Variants in FAM117B observed in about 807,000 individuals in gnomAD.
FAM117B encodes the protein protein FAM117B.
FAM117B carries 22 observed loss-of-function variants against 52.8 expected under a neutral mutation model. The ratio of observed to expected loss-of-function variants is 0.42; its 90% confidence interval spans 0.30 to 0.59. The LOEUF is 0.59. FAM117B is among the 20% of genes least tolerant of loss of function. The probability of loss-of-function intolerance (pLI) is 0.22; values close to 1 mark genes in which losing one functional copy is unlikely to be tolerated. For synonymous variants in FAM117B, 309 were observed against 324.1 expected (o/e 0.95, Z 0.50); for missense variants, 678 against 802.6 (o/e 0.84, Z 1.88).
At chr2:202,691,705 G>GCA (rs1559103324) in intron 1 of FAM117B, among the ~76,000 whole-genome samples, 3 of 150,412 alleles carry the variant, frequency 2.0e-5, no homozygotes, top group African/African-American at 4.9e-5. Context: ...GTGTGCGCGC[G>GCA]CGCCTCCCCA....
At chr2:202,682,581 T>C (rs1008347550) in intron 1 of FAM117B, among the ~76,000 whole-genome samples, 2 of 152,154 alleles carry the variant, frequency 1.3e-5, no homozygotes, top group African/African-American at 4.8e-5. Context: ...CAGGGAAATA[T>C]CCCGCTTCAA....
chr2:202,683,929 C>T lies in FAM117B; in HGVS notation c.602-11952C>T, dbSNP rs368857419. ...TCACCCAGGCTGGAGTGCAGTGGCG[C>T]GATCATGGCTCACTGCATCCTTGAC... On this transcript the variant is annotated intron_variant, in intron 1 of 7. Coordinates refer to ENST00000392238, the MANE Select transcript of FAM117B (RefSeq NM_173511.4). 3.4e-4 allele frequency among the ~76,000 whole-genome samples: 51 copies of T among 151,868 alleles called. No individual in the cohort carries two copies. The East Asian group carries it at 3.7e-3, about 11-fold the overall frequency.
intron 4 of FAM117B, among the ~76,000 whole-genome samples, chr2:202,728,435 A>G (rs1282900319): frequency 6.6e-6 from 1 of 152,234 alleles, no homozygotes; most frequent in East Asian, 1.9e-4. Context: ...TTGACAAAAT[A>G]AGAAATGAAA....
chr2:202,738,860 T>C (rs1691480666), intron 4 of FAM117B, among the ~76,000 whole-genome samples: 1 of 152,160 alleles, frequency 6.6e-6, no homozygotes, highest in Non-Finnish European at 1.5e-5. Flanking sequence ...TGCTACTTAC[T>C]CTATAAAACA....
intron 2 of FAM117B, among the ~76,000 whole-genome samples, chr2:202,722,737 T>C (rs1301889848): frequency 6.6e-6 from 1 of 152,086 alleles, no homozygotes; most frequent in Non-Finnish European, 1.5e-5. Flanking sequence ...GCTTAGTACC[T>C]GGGTGACGAA....
intron 1 of FAM117B, among the ~76,000 whole-genome samples, chr2:202,681,754 A>G (rs1364994756): frequency 6.6e-6 from 1 of 152,258 alleles, no homozygotes; most frequent in African/African-American, 2.4e-5. Context: ...ACTCAGCGAC[A>G]GTGATAGGGA....
At chr2:202,738,464 A>C (rs1261682681) in intron 4 of FAM117B, among the ~76,000 whole-genome samples, 1 of 152,216 alleles carries the variant, frequency 6.6e-6, no homozygotes, top group Non-Finnish European at 1.5e-5. Flanking sequence ...AAAAGAAGAC[A>C]TCAGTTCAGA....
At chr2:202,677,142 A>G (rs557894816) in intron 1 of FAM117B, among the ~76,000 whole-genome samples, 46 of 149,852 alleles carry the variant, frequency 3.1e-4, no homozygotes, top group Middle Eastern at 3.4e-3. Flanking sequence ...ATCTCGGCTC[A>G]CTACAACCTC....
At chr2:202,688,586 G>A (rs989164113) in intron 1 of FAM117B, among the ~76,000 whole-genome samples, 2 of 151,860 alleles carry the variant, frequency 1.3e-5, no homozygotes, top group Non-Finnish European at 2.9e-5. Context: ...AGAAAAGAAA[G>A]GTTTGGAGTA....
intron 7 of FAM117B, among the ~76,000 whole-genome samples, chr2:202,764,405 C>T (rs1691944354): frequency 6.6e-6 from 1 of 152,004 alleles, no homozygotes; most frequent in African/African-American, 2.4e-5. Flanking sequence ...GCAGGGACTA[C>T]AGGTGCATGC....
chr2:202,668,640 AAAT>A (rs1690247537), intron 1 of FAM117B, among the ~76,000 whole-genome samples: 1 of 151,098 alleles, frequency 6.6e-6, no homozygotes, highest in Non-Finnish European at 1.5e-5. Context: ...ATAAATAAAT[AAAT>A]AAATAAATAA....
At position 202,682,050 on chromosome 2, in the gene FAM117B, C is replaced by T. The variant is rs79192108; in HGVS notation, c.602-13831C>T. Among the ~76,000 whole-genome samples the T allele has an allele frequency of 4.5e-4, 69 of 152,334 alleles. No individual in the cohort carries two copies. In the East Asian group the frequency reaches 0.013, roughly 28 times the overall value. Reference sequence around the variant, plus strand: ...ACTTCAAAGGGACAGCTTGACAGCGCAGCTTCAGAGAGGATTCTGGTTGGC... The same window carrying T: ...ACTTCAAAGGGACAGCTTGACAGCGTAGCTTCAGAGAGGATTCTGGTTGGC... On this transcript the variant is annotated intron_variant, in intron 1 of 7. Coordinates refer to ENST00000392238, the MANE Select transcript of FAM117B (RefSeq NM_173511.4).
rs150572875 is a variant in FAM117B, at chr2:202,707,672, A to G, written c.753+11640A>G. Among the ~76,000 whole-genome samples the G allele has an allele frequency of 8.5e-3, 1,288 of 151,578 alleles. 23 individuals carry two copies. The highest frequency in any genetic ancestry group is 0.029 in the African/African-American group (1,217 of 41,298). On this transcript the variant is annotated intron_variant, in intron 2 of 7. Coordinates refer to ENST00000392238, the MANE Select transcript of FAM117B (RefSeq NM_173511.4). ...CAGTGAGCTGAGATCGTGCTACTGT[A>G]CTCCAGCCTGGGTGACAGAGTGAGA...
chr2:202,724,490 T>C (rs2105786864), intron 2 of FAM117B, among the ~76,000 whole-genome samples: 1 of 152,324 alleles, frequency 6.6e-6, no homozygotes, highest in South Asian at 2.1e-4. Context: ...ATGTGTTAAG[T>C]CAGATAAAGC....
chr2:202,752,416 CTTTTT>C, intron 4 of FAM117B, among the ~76,000 whole-genome samples: 1 of 136,730 alleles, frequency 7.3e-6, no homozygotes, highest in South Asian at 2.4e-4. Flanking sequence ...TATGCTTTTT[CTTTTT>C]TTTTTTTTTT....
chr2:202,696,184 TC>T, intron 2 of FAM117B, 152 bp downstream of exon 2: 1 of 826,618 alleles, frequency 1.2e-6, no homozygotes, highest in Non-Finnish European at 1.7e-6. Flanking sequence ...AAGCCTGACC[TC>T]CAGGTATTCT....
At chr2:202,652,518 A>T (rs1689972541) in intron 1 of FAM117B, among the ~76,000 whole-genome samples, 1 of 152,214 alleles carries the variant, frequency 6.6e-6, no homozygotes, top group African/African-American at 2.4e-5. Flanking sequence ...TGCAGTATTC[A>T]GGGGTTAACA....
At position 202,663,617 on chromosome 2, in the gene FAM117B, C is replaced by T. The variant is rs187269247; in HGVS notation, c.601+27829C>T. Among the ~76,000 whole-genome samples the T allele has an allele frequency of 1.9e-4, 27 of 144,264 alleles. No homozygotes were observed. In the East Asian group the frequency reaches 4.1e-3, roughly 22 times the overall value. 94.6% of individuals were successfully genotyped at this position (144,264 alleles called of 152,430 possible). On this transcript the variant is annotated intron_variant, in intron 1 of 7. Coordinates refer to ENST00000392238, the MANE Select transcript of FAM117B (RefSeq NM_173511.4). ...TTTTCTTTTGAGACAGAGTCTCACT[C>T]TCCTTTCCCAGGCTGGAGTGCAGTG... is the stretch of plus-strand genomic sequence containing the variant.
At position 202,759,369 on chromosome 2, in the gene FAM117B, ACCATCCCC is replaced by A. The variant is rs1274272916; in HGVS notation, c.1451+17_1451+24del. 1 of 1,591,062 alleles carries A rather than the reference ACCATCCCC, an allele frequency of 6.3e-7. No homozygotes were observed. The highest frequency in any genetic ancestry group is 1.2e-5 in the South Asian group (1 of 85,612). On this transcript the variant is annotated intron_variant, in intron 7 of 7. Coordinates refer to ENST00000392238, the MANE Select transcript of FAM117B (RefSeq NM_173511.4). ...AGGAATGCTCGTAAGTATCCCTTCC[ACCATCCCC>A]ACAAAAAAACTATTATGAGCTTTTT...
Sources: gnomAD v4.1 joint callset for allele counts (sites outside exome capture counted in the v4.1 genomes callset) on GRCh38, gnomAD v4.1.1 for gene constraint, MANE v1.5 for transcripts, NCBI Gene and HGNC (gene_info 2026-07-23, HGNC 2026-07-21) for gene names.